RIBC2: variants seen among roughly 807,000 people sequenced by gnomAD.
RIBC2 encodes the protein RIB43A-like with coiled-coils protein 2.
RIBC2 carries 40 observed loss-of-function variants against 44.3 expected under a neutral mutation model. The observed-to-expected ratio is 0.90, with a 90% CI of 0.70 to 1.18. The LOEUF (loss-of-function observed/expected upper bound fraction) is 1.18. Ranked by LOEUF, RIBC2 falls within the 50% of genes most tolerant of loss-of-function variation. The pLI, the probability that RIBC2 is intolerant of heterozygous loss-of-function variation, is 0.00. For missense variants in RIBC2, 459 were observed against 485.5 expected (o/e 0.95, Z 0.51); for synonymous variants, 171 against 175.0 (o/e 0.98, Z 0.18).
At chr22:45,428,529 G>T (rs1291137383) in intron 5 of RIBC2, among the ~76,000 whole-genome samples, 1 of 152,156 alleles carries the variant, frequency 6.6e-6, no homozygotes, top group Admixed American at 6.5e-5. Context: ...TGAGGGCTTG[G>T]TGTGGCCTCT....
intron 2 of RIBC2, among the ~76,000 whole-genome samples, chr22:45,416,248 C>A (rs892453170): frequency 6.6e-6 from 1 of 151,806 alleles, no homozygotes; most frequent in African/African-American, 2.4e-5. Context: ...CATTCCCATA[C>A]TGATGGCTGG....
At chr22:45,422,436 G>C (rs776256624) in intron 4 of RIBC2, 28 bp downstream of exon 4, 4 of 1,507,598 alleles carry the variant, frequency 2.7e-6, no homozygotes, top group Admixed American at 1.7e-5. Flanking sequence ...CCTCGGGCTC[G>C]ACGACTGGAG....
chr22:45,417,394 A>G (rs1425647817), intron 2 of RIBC2, among the ~76,000 whole-genome samples: 1 of 152,164 alleles, frequency 6.6e-6, no homozygotes, highest in East Asian at 1.9e-4. Flanking sequence ...TTTTTAAAGT[A>G]GATTCATGGG....
At chr22:45,430,800 T>C in intron 5 of RIBC2, 100 bp from the exon 6 acceptor site, 1 of 1,375,982 alleles carries the variant, frequency 7.3e-7, no homozygotes. Flanking sequence ...GAGCCTCAGT[T>C]TCCCCATCTG....
At chr22:45,429,594 A>G (rs528555615) in intron 5 of RIBC2, among the ~76,000 whole-genome samples, 1 of 152,098 alleles carries the variant, frequency 6.6e-6, no homozygotes, top group Admixed American at 6.5e-5. Flanking sequence ...AGAGGTGCAC[A>G]TGTGTGGGAG....
rs376388316 is a variant in RIBC2, at chr22:45,419,554, T to G, written c.556+1608T>G. Reference sequence around the variant, plus strand: ...ATCAAGGCCAGCCCGGGCAACAAAGTGAGACCTCATCTCTACAAAAAATTA... The same window carrying G: ...ATCAAGGCCAGCCCGGGCAACAAAGGGAGACCTCATCTCTACAAAAAATTA... On this transcript the variant is annotated intron_variant, in intron 3 of 6. Transcript: ENST00000614167. Among the ~76,000 whole-genome samples, 5 of 151,732 alleles carry G rather than the reference T, an allele frequency of 3.3e-5. 1 individual carries two copies. The highest frequency in any genetic ancestry group is 1.2e-4 in the African/African-American group (5 of 41,336).
rs1569208904 is a variant in RIBC2, at chr22:45,421,553, ATAATAG to A, written c.557-734_557-729del. ...AGTATTATTAATAATATTAATAATA[ATAATAG>A]TATTATTAATAATAGTATTATTAAT... On this transcript the variant is annotated intron_variant, in intron 3 of 6. Transcript: ENST00000614167. 7.4e-4 allele frequency among the ~76,000 whole-genome samples: 26 copies of A among 35,000 alleles called. No individual in the cohort carries two copies. In the African/African-American group the frequency reaches 8.4e-3, roughly 11 times the overall value. The allele number at this position is 35,000 out of a possible 152,430, so 23.0% of individuals were successfully genotyped here.
At chr22:45,422,190 C>T (rs2087492001) in intron 3 of RIBC2, 100 bp from the exon 4 acceptor site, 3 of 787,352 alleles carry the variant, frequency 3.8e-6, no homozygotes, top group Admixed American at 1.9e-5. Context: ...TCCTCATGCT[C>T]ATGGCTAAGG....
intron 5 of RIBC2, 123 bp downstream of exon 5, chr22:45,426,298 T>G (rs981265769): frequency 2.5e-6 from 2 of 799,952 alleles, no homozygotes; most frequent in Non-Finnish European, 3.9e-6. Context: ...CCTCAAGGAG[T>G]TTCCCTTCTA....
chr22:45,430,635 G>C (rs1459262269), intron 5 of RIBC2, among the ~76,000 whole-genome samples: 1 of 152,210 alleles, frequency 6.6e-6, no homozygotes, highest in African/African-American at 2.4e-5. Flanking sequence ...AGTGGAGGCT[G>C]CTGTAGGAAT....
At chr22:45,415,244 A>G (rs1417586477) in intron 2 of RIBC2, among the ~76,000 whole-genome samples, 3 of 151,908 alleles carry the variant, frequency 2.0e-5, no homozygotes. Flanking sequence ...AACACCATAA[A>G]GATTTTTATA....
chr22:45,424,032 C>A (rs922242386), intron 4 of RIBC2, among the ~76,000 whole-genome samples: 1 of 151,922 alleles, frequency 6.6e-6, no homozygotes, highest in South Asian at 2.1e-4. Flanking sequence ...TTTGCTAAAC[C>A]CTATTGTCTC....
At chr22:45,424,688 G>A (rs2087517469) in intron 4 of RIBC2, among the ~76,000 whole-genome samples, 1 of 152,028 alleles carries the variant, frequency 6.6e-6, no homozygotes, top group Non-Finnish European at 1.5e-5. Context: ...GGGAAGGAAT[G>A]TGGCTAGTCC....
intron 4 of RIBC2, 123 bp downstream of exon 4, chr22:45,422,531 G>C: frequency 1.4e-6 from 1 of 732,420 alleles, no homozygotes; most frequent in Middle Eastern, 2.5e-4. Context: ...TCACATGACC[G>C]GCCCTGACAG....
intron 3 of RIBC2, 32 bp downstream of exon 3, chr22:45,417,978 A>T: frequency 6.8e-7 from 1 of 1,464,690 alleles, no homozygotes. Context: ...GCTGGTCTCA[A>T]CGCTCTCTTC....
At position 45,413,905 on chromosome 22, in the gene RIBC2, G is replaced by T. The variant is rs1488611519; in HGVS notation, c.19G>T (p.Ala7Ser). MGSQTMAVALPRDLRQD... is the reference protein window; with the variant it reads MGSQTMSVALPRDLRQD... ...GCTTTCCATGGGTTCCCAGACCATG[G>T]CGGTGGCGCTGCCCAGGGACTTGCG... The change falls in exon 1 of 7, where the codon GCG (alanine) becomes TCG (serine). Residue 7 changes from alanine to serine, a missense_variant. Coordinates refer to ENST00000614167, the MANE Select transcript of RIBC2 (RefSeq NM_015653.5). 1.9e-6 allele frequency: 3 copies of T among 1,551,472 alleles called. No homozygotes were observed. Among genetic ancestry groups the T allele is most frequent in the Non-Finnish European group, 2.6e-6 (3 of 1,146,822 alleles).
chr22:45,427,699 G>A (rs150908851), intron 5 of RIBC2, among the ~76,000 whole-genome samples: 1 of 152,206 alleles, frequency 6.6e-6, no homozygotes, highest in Middle Eastern at 3.2e-3. Context: ...CAGTCATGCA[G>A]TCTCGGCCCA....
chr22:45,432,453 C>T lies in RIBC2; in HGVS notation c.*91C>T, dbSNP rs771824294. ...CTTTTTTAAAGATACACTCCTTGGG[C>T]CACAAGTACCCTTCAGCTGTAATCG... On this transcript the variant is annotated 3_prime_UTR_variant, in exon 7 of 7. Coordinates refer to ENST00000614167, the MANE Select transcript of RIBC2 (RefSeq NM_015653.5). The T allele has an allele frequency of 2.6e-6, 2 of 770,344 alleles. No homozygotes were observed. The highest frequency in any genetic ancestry group is 1.6e-5 in the South Asian group (1 of 61,568). The allele number at this position is 770,344 out of a possible 1,614,324, so 47.7% of individuals were successfully genotyped here.
chr22:45,418,888 A>G (rs765224545), intron 3 of RIBC2, among the ~76,000 whole-genome samples: 9 of 152,054 alleles, frequency 5.9e-5, no homozygotes, highest in East Asian at 1.9e-4. Flanking sequence ...GCCCTGGCCA[A>G]CCTCACCAGT....
Sources: allele counts gnomAD v4.1 joint callset (sites outside exome capture counted in the v4.1 genomes callset), GRCh38; gene constraint gnomAD v4.1.1; transcripts MANE v1.5; gene names NCBI Gene and HGNC (gene_info 2026-07-23, HGNC 2026-07-21).